The following SARNP variants were observed in gnomAD, a reference collection of about 807,000 sequenced individuals.
The protein encoded by SARNP is SAP domain-containing ribonucleoprotein.
Under a neutral mutation model 38.1 loss-of-function variants are expected in SARNP, and 5 were observed. That is an observed-to-expected ratio of 0.13 (90% CI 0.07 to 0.28). The LOEUF is 0.28. Ranked by LOEUF, SARNP falls within the 10% of genes least tolerant of loss-of-function variation. The pLI, the probability that SARNP is intolerant of heterozygous loss-of-function variation, is 1.00. For missense variants in SARNP, 180 were observed against 243.9 expected, an observed-to-expected ratio of 0.74 and a Z score of 1.75; for synonymous variants, 84 against 80.6, an observed-to-expected ratio of 1.04 and a Z score of -0.23.
intron 1 of SARNP, among the ~76,000 whole-genome samples, chr12:55,809,316 T>C (rs928952771): frequency 6.6e-6 from 1 of 151,804 alleles, no homozygotes; most frequent in African/African-American, 2.4e-5. Context: ...TAGTCGCATG[T>C]GCCTACAGTC....
At chr12:55,787,749 C>CT (rs150950873) in intron 9 of SARNP, among the ~76,000 whole-genome samples, 166 of 137,096 alleles carry the variant, frequency 1.2e-3, no homozygotes, top group Middle Eastern at 4.9e-3. Flanking sequence ...TTCTTTCTTT[C>CT]TTTTTTTTTT....
At chr12:55,816,420 TATC>T (rs1416214259) in intron 1 of SARNP, among the ~76,000 whole-genome samples, 43 of 152,284 alleles carry the variant, frequency 2.8e-4, no homozygotes, top group African/African-American at 1.0e-3. Flanking sequence ...TGCATTTCAG[TATC>T]ATCAAGTTAA....
intron 9 of SARNP, among the ~76,000 whole-genome samples, chr12:55,776,384 A>G (rs1879182682): frequency 6.6e-6 from 1 of 152,140 alleles, no homozygotes; most frequent in South Asian, 2.1e-4. Flanking sequence ...GTGAGCCATG[A>G]TCTGGGACAC....
chr12:55,767,950 A>G (rs1199337271), intron 9 of SARNP, among the ~76,000 whole-genome samples: 1 of 152,046 alleles, frequency 6.6e-6, no homozygotes, highest in South Asian at 2.1e-4. Context: ...TAAGAATTAG[A>G]TCCATTACCA....
intron 2 of SARNP, among the ~76,000 whole-genome samples, chr12:55,802,217 G>A (rs1592578730): frequency 6.6e-6 from 1 of 152,046 alleles, no homozygotes; most frequent in Non-Finnish European, 1.5e-5. Flanking sequence ...TAATTTGGGA[G>A]TCCTTAGTCA....
chr12:55,816,193 G>A (rs1395581619), intron 1 of SARNP, among the ~76,000 whole-genome samples: 1 of 152,050 alleles, frequency 6.6e-6, no homozygotes, highest in Non-Finnish European at 1.5e-5. Flanking sequence ...CTTACTCCAG[G>A]GATTTCAAAA....
chr12:55,799,109 C>G (rs1879903957), intron 4 of SARNP, among the ~76,000 whole-genome samples: 1 of 152,212 alleles, frequency 6.6e-6, no homozygotes, highest in East Asian at 1.9e-4. Flanking sequence ...TGTACAGACC[C>G]CATATATAAA....
intron 9 of SARNP, among the ~76,000 whole-genome samples, chr12:55,775,241 TAAAAA>T (rs375018386): frequency 1.7e-5 from 2 of 118,584 alleles, no homozygotes; most frequent in Admixed American, 8.9e-5. Flanking sequence ...AGGTTAAAAT[TAAAAA>T]AAAAAAAAAA....
At chr12:55,760,433 G>A (rs1358495630) in intron 10 of SARNP, 118 bp downstream of exon 10, 33 of 653,388 alleles carry the variant, frequency 5.1e-5, no homozygotes, top group East Asian at 8.2e-5. Context: ...ACCCCAACTC[G>A]ACTTAAATAA....
In SARNP at chr12:55,790,865, T is replaced by C. The variant is rs577647916; in HGVS notation, c.407-273A>G. ...TGCTAGCTATACAGCTAAGAGAAAA[T>C]GAAAACATATAATTACACAAAAATT... On this transcript the variant is annotated intron_variant, in intron 7 of 10. Coordinates refer to ENST00000336133, the MANE Select transcript of SARNP (RefSeq NM_033082.4). 1.2e-4 allele frequency among the ~76,000 whole-genome samples: 18 copies of C among 152,186 alleles called. No individual in the cohort carries two copies. The South Asian group carries it at 3.7e-3, about 32-fold the overall frequency.
chr12:55,781,697 G>T (rs932097957), intron 9 of SARNP, among the ~76,000 whole-genome samples: 3 of 152,126 alleles, frequency 2.0e-5, no homozygotes, highest in African/African-American at 7.2e-5. Context: ...GAATATTCTA[G>T]TTTATTTTCA....
At chr12:55,806,363 G>A (rs111595280) in intron 1 of SARNP, among the ~76,000 whole-genome samples, 1,684 of 147,026 alleles carry the variant, frequency 0.011, 11 homozygotes, top group African/African-American at 0.015. Flanking sequence ...CAACCTCTGC[G>A]TTCCAGGTTC....
intron 1 of SARNP, among the ~76,000 whole-genome samples, chr12:55,806,160 T>C (rs1335062539): frequency 6.6e-6 from 1 of 152,212 alleles, no homozygotes; most frequent in Non-Finnish European, 1.5e-5. Flanking sequence ...GTTTTACTAC[T>C]TGTAACCTTA....
Position 55,768,287 on chromosome 12 carries a change from A to G in SARNP, c.502-7647T>C, listed in dbSNP as rs974102667. Reference sequence around the variant, plus strand: ...ATTACAGGTGCCTGCCACCACGCCCAGCTAATTTTTTTTTTAATTTTTAGT... The same window carrying G: ...ATTACAGGTGCCTGCCACCACGCCCGGCTAATTTTTTTTTTAATTTTTAGT... On this transcript the variant is annotated intron_variant, in intron 9 of 10. Coordinates refer to ENST00000336133, the MANE Select transcript of SARNP (RefSeq NM_033082.4). Among the ~76,000 whole-genome samples the G allele has an allele frequency of 2.8e-5, 4 of 143,676 alleles. No individual in the cohort carries two copies. The Admixed American group carries it at 2.8e-4, about 10-fold the overall frequency. 94.3% of individuals were successfully genotyped at this position (143,676 alleles called of 152,430 possible).
intron 9 of SARNP, among the ~76,000 whole-genome samples, chr12:55,780,129 C>T (rs1292589884): frequency 2.6e-5 from 4 of 152,138 alleles, no homozygotes; most frequent in African/African-American, 9.7e-5. Flanking sequence ...GCCTGGGCGA[C>T]AGAGCAAGAC....
intron 1 of SARNP, among the ~76,000 whole-genome samples, chr12:55,804,617 G>C (rs1880081241): frequency 6.6e-6 from 1 of 152,110 alleles, no homozygotes; most frequent in Non-Finnish European, 1.5e-5. Context: ...TTAACAGTAT[G>C]ATTTGCTACC....
chr12:55,811,081 C>CAAAAA (rs11324252), intron 1 of SARNP, among the ~76,000 whole-genome samples: 1 of 142,622 alleles, frequency 7.0e-6, no homozygotes. Context: ...GACTCCATCC[C>CAAAAA]AAAAAAAAAA....
At chr12:55,768,961 C>T (rs1381919413) in intron 9 of SARNP, among the ~76,000 whole-genome samples, 1 of 152,160 alleles carries the variant, frequency 6.6e-6, no homozygotes, top group African/African-American at 2.4e-5. Flanking sequence ...AAGTGATCCA[C>T]CCTCCTCAGC....
At chr12:55,799,583 C>T (rs909735825) in intron 4 of SARNP, among the ~76,000 whole-genome samples, 2 of 143,248 alleles carry the variant, frequency 1.4e-5, no homozygotes, top group Admixed American at 7.0e-5. Context: ...TTTCCCGAGA[C>T]AGCTGTGGCT....
Sources: allele counts gnomAD v4.1 joint callset (sites outside exome capture counted in the v4.1 genomes callset), GRCh38; gene constraint gnomAD v4.1.1; transcripts MANE v1.5; gene names NCBI Gene and HGNC (gene_info 2026-07-23, HGNC 2026-07-21).